MAP4K5: variants seen among roughly 807,000 people sequenced by gnomAD.
The protein encoded by MAP4K5 is MAPK/ERK kinase kinase kinase 5.
In MAP4K5, 82 loss-of-function variants were observed where a neutral mutation model predicts 135.6. The observed-to-expected ratio is 0.60, with a 90% CI of 0.51 to 0.73. MAP4K5 has a LOEUF of 0.73. Among genes scored for constraint, MAP4K5 ranks in the 30% least tolerant of loss-of-function variants. The pLI is 0.00. For synonymous variants in MAP4K5, 347 were observed against 335.0 expected, an observed-to-expected ratio of 1.04 and a Z score of -0.39; for missense variants, 907 against 1,010.9, an observed-to-expected ratio of 0.90 and a Z score of 1.39.
intron 1 of MAP4K5, among the ~76,000 whole-genome samples, chr14:50,553,817 T>G (rs1200630846): frequency 6.6e-6 from 1 of 152,200 alleles, no homozygotes; most frequent in African/African-American, 2.4e-5. Context: ...TGGATGGAGT[T>G]GGAGGCCATT....
chr14:50,537,183 C>G (rs1054176848), upstream of MAP4K5, among the ~76,000 whole-genome samples: 4 of 152,166 alleles, frequency 2.6e-5, no homozygotes, highest in African/African-American at 9.7e-5. Flanking sequence ...TCCAGCTGCT[C>G]CAGCTGCAGC....
chr14:50,529,898 T>C (rs2038349752), intron 2 of MAP4K5, among the ~76,000 whole-genome samples: 1 of 152,010 alleles, frequency 6.6e-6, no homozygotes, highest in African/African-American at 2.4e-5. Context: ...TAGATGAGGC[T>C]GAGAAATAAG....
chr14:50,435,942 T>C (rs1365693599), intron 26 of MAP4K5, among the ~76,000 whole-genome samples: 1 of 152,168 alleles, frequency 6.6e-6, no homozygotes, highest in African/African-American at 2.4e-5. Context: ...TCTAGGCCTT[T>C]TGTGCATCAC....
At chr14:50,514,588 T>C (rs558234452) in intron 2 of MAP4K5, among the ~76,000 whole-genome samples, 7 of 152,096 alleles carry the variant, frequency 4.6e-5, no homozygotes, top group Non-Finnish European at 7.4e-5. Context: ...CAAGTCAACA[T>C]TGGAGGATTC....
intron 1 of MAP4K5, among the ~76,000 whole-genome samples, chr14:50,546,693 A>C (rs2038636934): frequency 6.6e-6 from 1 of 152,146 alleles, no homozygotes; most frequent in Admixed American, 6.5e-5. Context: ...TTGACATGAA[A>C]GTTATAAGAC....
At chr14:50,517,775 C>A (rs2038065223) in intron 2 of MAP4K5, among the ~76,000 whole-genome samples, 1 of 151,688 alleles carries the variant, frequency 6.6e-6, no homozygotes, top group Non-Finnish European at 1.5e-5. Flanking sequence ...AACTCCGTCT[C>A]AAAAAATAAA....
Position 50,419,764 on chromosome 14 carries a change from T to A in MAP4K5, c.*255A>T. 2.8e-6 allele frequency: 1 copy of A among 354,132 alleles called. No individual in the cohort carries two copies. The highest frequency in any genetic ancestry group is 5.1e-6 in the Non-Finnish European group (1 of 194,476). The allele number at this position is 354,132 out of a possible 1,614,324, so 21.9% of individuals were successfully genotyped here. A position where few individuals can be genotyped will look rare whatever the true frequency, so the allele number is the denominator to read the frequency against. ...TGTTTTTTTTAAAAAAAGACTGTGTTTCCTGGAACTAGAGGACTATTTGTC... is the reference window on the plus strand; with the variant it reads ...TGTTTTTTTTAAAAAAAGACTGTGTATCCTGGAACTAGAGGACTATTTGTC... On this transcript the variant is annotated 3_prime_UTR_variant, in exon 33 of 33. Coordinates refer to ENST00000682126, the MANE Select transcript of MAP4K5 (RefSeq NM_006575.6).
intron 14 of MAP4K5, among the ~76,000 whole-genome samples, chr14:50,454,241 A>C (rs1266435322): frequency 6.6e-6 from 1 of 152,196 alleles, no homozygotes; most frequent in African/African-American, 2.4e-5. Flanking sequence ...AGATCAGAAT[A>C]GTAATTCGCC....
intron 31 of MAP4K5, among the ~76,000 whole-genome samples, chr14:50,425,000 A>G (rs1403156013): frequency 2.0e-5 from 3 of 152,190 alleles, no homozygotes; most frequent in Admixed American, 6.5e-5. Flanking sequence ...CTGCATTCAT[A>G]TAAGAGGTAG....
At chr14:50,442,459 G>A (rs886993185) in intron 21 of MAP4K5, among the ~76,000 whole-genome samples, 2 of 152,008 alleles carry the variant, frequency 1.3e-5, no homozygotes, top group East Asian at 1.9e-4. Context: ...TCCCAATAAC[G>A]TCCTTTTACG....
chr14:50,420,405 G>C (rs974323469), intron 32 of MAP4K5, among the ~76,000 whole-genome samples: 1 of 151,852 alleles, frequency 6.6e-6, no homozygotes, highest in Non-Finnish European at 1.5e-5. Flanking sequence ...CTGAGGCAGG[G>C]GGATCGCTTG....
At chr14:50,544,669 C>T (rs2038605470) in intron 1 of MAP4K5, among the ~76,000 whole-genome samples, 1 of 152,082 alleles carries the variant, frequency 6.6e-6, no homozygotes, top group South Asian at 2.1e-4. Context: ...GATGGTGGCT[C>T]ACACTTGTAA....
intron 3 of MAP4K5, among the ~76,000 whole-genome samples, chr14:50,493,541 T>C (rs1246063580): frequency 2.0e-5 from 3 of 152,132 alleles, no homozygotes; most frequent in Non-Finnish European, 2.9e-5. Context: ...GACACGATCA[T>C]ATGTATAGAA....
chr14:50,524,111 C>A (rs1228865201), intron 2 of MAP4K5, among the ~76,000 whole-genome samples: 1 of 152,208 alleles, frequency 6.6e-6, no homozygotes, highest in Non-Finnish European at 1.5e-5. Context: ...CTGTAGAATT[C>A]CATCTCTAAA....
At chr14:50,430,496 G>C (rs907779449) in intron 28 of MAP4K5, among the ~76,000 whole-genome samples, 1 of 152,146 alleles carries the variant, frequency 6.6e-6, no homozygotes, top group Admixed American at 6.6e-5. Context: ...TGGCGGATTG[G>C]GGGCAGGCAG....
chr14:50,508,193 T>A lies in MAP4K5; in HGVS notation c.109-3336A>T, dbSNP rs554382397. Among the ~76,000 whole-genome samples the A allele has an allele frequency of 8.5e-5, 13 of 152,290 alleles. No homozygotes were observed. In the South Asian group the frequency reaches 2.7e-3, roughly 32 times the overall value. On this transcript the variant is annotated intron_variant, in intron 2 of 32. Coordinates refer to ENST00000682126, the MANE Select transcript of MAP4K5 (RefSeq NM_006575.6). ...ACCCCTGCTTTTTTTTGTTTTCCAT[T>A]TCCTTGGTAGATTTTCCTCCATCCC...
chr14:50,444,915 A>G, intron 18 of MAP4K5, 126 bp downstream of exon 18: 3 of 1,049,018 alleles, frequency 2.9e-6, no homozygotes, highest in Non-Finnish European at 4.0e-6. Flanking sequence ...GGATTGACTA[A>G]ATAAAAAAGA....
intron 13 of MAP4K5, among the ~76,000 whole-genome samples, chr14:50,460,898 T>C (rs1260817238): frequency 6.6e-6 from 1 of 152,230 alleles, no homozygotes; most frequent in African/African-American, 2.4e-5. Context: ...TCATTTTTTG[T>C]CCCTCGTTTC....
chr14:50,474,859 A>G (rs1276613967), intron 9 of MAP4K5, among the ~76,000 whole-genome samples: 2 of 152,250 alleles, frequency 1.3e-5, no homozygotes, highest in Non-Finnish European at 2.9e-5. Context: ...ATATAAAATC[A>G]CAGGGATAGT....
Sources: allele counts gnomAD v4.1 joint callset (sites outside exome capture counted in the v4.1 genomes callset), GRCh38; gene constraint gnomAD v4.1.1; transcripts MANE v1.5; gene names NCBI Gene and HGNC (gene_info 2026-07-23, HGNC 2026-07-21).